The following ALDH1A3 variants were observed in gnomAD, a reference collection of about 807,000 sequenced individuals.
The protein encoded by ALDH1A3 is aldehyde dehydrogenase 1 family member A3.
A neutral mutation model predicts 57.5 loss-of-function variants in ALDH1A3; 28 were observed. The observed-to-expected ratio is 0.49, with a 90% CI of 0.36 to 0.67. ALDH1A3 has a LOEUF of 0.67. Ranked by LOEUF, ALDH1A3 falls within the 30% of genes least tolerant of loss-of-function variation. ALDH1A3 has a pLI of 0.00. For synonymous variants in ALDH1A3, 281 were observed against 264.8 expected, an observed-to-expected ratio of 1.06 and a Z score of -0.59; for missense variants, 507 against 669.4, an observed-to-expected ratio of 0.76 and a Z score of 2.68.
chr15:100,913,976 C>T (rs2041906885), intron 12 of ALDH1A3: 1 of 152,238 alleles, frequency 6.6e-6, no homozygotes, highest in Non-Finnish European at 1.5e-5. Flanking sequence ...CCTCTTGGGT[C>T]TTGGAAGGGA....
Position 100,906,587 on chromosome 15 carries a change from G to C in ALDH1A3, c.1234-534G>C, listed in dbSNP as rs1249349298. ...GCTCCCTTCAAAATCACCTTTAAAT[G>C]TTCAAGCCTTAGTTCTTCCATTTCC... is the stretch of plus-strand genomic sequence containing the variant. On this transcript the variant is annotated intron_variant, in intron 10 of 12. Coordinates refer to ENST00000329841, the MANE Select transcript of ALDH1A3 (RefSeq NM_000693.4). This position sits in a 1 kb window ranked among gnomAD's most constrained non-coding sequence, Gnocchi z 4.8. 1.3e-5 allele frequency among the ~76,000 whole-genome samples: 2 copies of C among 152,232 alleles called. No individual in the cohort carries two copies. Among genetic ancestry groups the C allele is most frequent in the Admixed American group, 6.5e-5 (1 of 15,286 alleles).
rs115435363 is a variant in ALDH1A3, at chr15:100,880,625, G to A, written c.99+619G>A. The A allele has an allele frequency of 5.3e-3, 865 of 163,020 alleles. 8 individuals carry two copies. The highest frequency in any genetic ancestry group is 0.019 in the African/African-American group (803 of 42,024). The allele number at this position is 163,020 out of a possible 1,614,324, so 10.1% of individuals were successfully genotyped here. Reference sequence around the variant, plus strand: ...GACGAAACCTCCCCGGAGCCCAGAGGTCCCGGTGTTTACACACAAGGCGCG... The same window carrying A: ...GACGAAACCTCCCCGGAGCCCAGAGATCCCGGTGTTTACACACAAGGCGCG... On this transcript the variant is annotated intron_variant, in intron 1 of 12. Coordinates refer to ENST00000329841, the MANE Select transcript of ALDH1A3 (RefSeq NM_000693.4).
rs564341254 is a variant in ALDH1A3 at position 100,915,087 on chromosome 15, GA to G, written c.*316del. The stretch of plus-strand genomic sequence containing the variant: ...GCGTTGTTAACAGGGAGTGGTATTT[GA>G]AGTGTCCAGCAGTTGCTTGAAATGC... On this transcript the variant is annotated 3_prime_UTR_variant, in exon 13 of 13. Transcript: ENST00000329841. 58 of 358,626 alleles carry G rather than the reference GA, an allele frequency of 1.6e-4. 2 individuals carry two copies. The Admixed American group carries it at 2.2e-3, about 13-fold the overall frequency. The allele number at this position is 358,626 out of a possible 1,614,324, so 22.2% of individuals were successfully genotyped here.
chr15:100,909,160 AGT>A (rs1812311388), intron 12 of ALDH1A3, among the ~76,000 whole-genome samples: 1 of 88,262 alleles, frequency 1.1e-5, no homozygotes, highest in East Asian at 4.4e-4. Flanking sequence ...CAAACTCCTC[AGT>A]GTGTGAACCC....
intron 6 of ALDH1A3, 51 bp from the exon 7 acceptor site, chr15:100,895,882 G>T: frequency 6.7e-7 from 1 of 1,482,000 alleles, no homozygotes; most frequent in Non-Finnish European, 9.3e-7. Flanking sequence ...ATGTGGATCC[G>T]TGGTGGATGA....
intron 12 of ALDH1A3, chr15:100,914,477 T>A (rs184903780): frequency 2.2e-6 from 1 of 447,480 alleles, no homozygotes; most frequent in African/African-American, 2.0e-5. Context: ...TTCAAAAGCA[T>A]CACACAGAAG....
intron 8 of ALDH1A3, among the ~76,000 whole-genome samples, chr15:100,899,540 C>G (rs1359159578): frequency 6.6e-6 from 1 of 152,216 alleles, no homozygotes; most frequent in Non-Finnish European, 1.5e-5. Flanking sequence ...CTGACATAAC[C>G]AGCATCCCAG....
At chr15:100,910,014 C>T (rs1161976414) in intron 12 of ALDH1A3, among the ~76,000 whole-genome samples, 1 of 152,200 alleles carries the variant, frequency 6.6e-6, no homozygotes, top group African/African-American at 2.4e-5. Context: ...TTGGTTGGGG[C>T]CTTTGTGTGG....
chr15:100,885,813 C>T (rs907782291), intron 2 of ALDH1A3, among the ~76,000 whole-genome samples: 1 of 152,080 alleles, frequency 6.6e-6, no homozygotes, highest in Non-Finnish European at 1.5e-5. Context: ...AGTTGCTACC[C>T]GGGTGATGCG....
At position 100,914,738 on chromosome 15, in the gene ALDH1A3, A is replaced by G. The variant is rs1424217463; in HGVS notation, c.1504A>G (p.Thr502Ala). 1 of 1,614,110 alleles carries G rather than the reference A, an allele frequency of 6.2e-7. No individual in the cohort carries two copies. Among genetic ancestry groups the G allele is most frequent in the East Asian group, 2.2e-5 (1 of 44,884 alleles). The change falls in exon 13 of 13, where the codon ACT becomes GCT. Residue 502 changes from threonine to alanine, a missense_variant. Thr to Ala is a moderately conservative substitution (Grantham distance 58). Around this residue, in one of 2 missense-constraint regions of ALDH1A3, gnomAD observed 432 missense variants for 608.4 expected, o/e 0.71. Coordinates refer to ENST00000329841, the MANE Select transcript of ALDH1A3 (RefSeq NM_000693.4). ...YALAEYTEVK[T>A]VTIKLGDKNP ...TTTGGCCGAATACACAGAAGTGAAAACTGTCACCATCAAACTTGGCGACAA... is the reference window on the plus strand; with the variant it reads ...TTTGGCCGAATACACAGAAGTGAAAGCTGTCACCATCAAACTTGGCGACAA...
At chr15:100,882,113 T>G (rs986581411) in intron 1 of ALDH1A3, among the ~76,000 whole-genome samples, 1 of 152,150 alleles carries the variant, frequency 6.6e-6, no homozygotes, top group Non-Finnish European at 1.5e-5. Flanking sequence ...CCAGCAGTGG[T>G]CTGCTATTTT....
Position 100,906,782 on chromosome 15 carries a change from A to G in ALDH1A3, c.1234-339A>G, listed in dbSNP as rs938072160. ...TATCCTTCAGGACAACTCCGAAAAA[A>G]GTTACCTAAAGGTTTTGTGTTCTGT... On this transcript the variant is annotated intron_variant, in intron 10 of 12. Coordinates refer to ENST00000329841, the MANE Select transcript of ALDH1A3 (RefSeq NM_000693.4). This position sits in a 1 kb window ranked among gnomAD's most constrained non-coding sequence, Gnocchi z 4.8. Among the ~76,000 whole-genome samples, 1 of 152,218 alleles carries G rather than the reference A, an allele frequency of 6.6e-6. No homozygotes were observed. The highest frequency in any genetic ancestry group is 6.5e-5 in the Admixed American group (1 of 15,284).
intron 3 of ALDH1A3, 73 bp from the exon 4 acceptor site, chr15:100,892,437 C>T (rs1021397683): frequency 6.3e-7 from 1 of 1,599,206 alleles, no homozygotes. Context: ...TCCCCAACTT[C>T]CATCTTTAAC....
At position 100,885,292 on chromosome 15, in the gene ALDH1A3, A is replaced by C. The variant is rs182607536; in HGVS notation, c.125A>C (p.Glu42Ala). ...TKIFINNEWH[E>A]SKSGKKFATC... ...ATATTTATCAACAATGAATGGCACGAATCCAAGAGTGGGAAAAAGTTTGCT... is the reference window on the plus strand; with the variant it reads ...ATATTTATCAACAATGAATGGCACGCATCCAAGAGTGGGAAAAAGTTTGCT... The change falls in exon 2 of 13, where the codon GAA (glutamate) becomes GCA (alanine). Residue 42 changes from glutamate (E) to alanine (A), a missense_variant. By Grantham distance (107) the Glu-to-Ala change is moderately radical (BLOSUM62 -1). Transcript: ENST00000329841. 17 of 1,613,772 alleles carry C rather than the reference A, an allele frequency of 1.1e-5. No individual in the cohort carries two copies. The East Asian group carries it at 3.8e-4, about 36-fold the overall frequency.
chr15:100,883,236 C>G lies in ALDH1A3; in HGVS notation c.100-2031C>G, dbSNP rs920922835. 5.9e-5 allele frequency among the ~76,000 whole-genome samples: 9 copies of G among 152,280 alleles called. No individual in the cohort carries two copies. The East Asian group carries it at 1.7e-3, about 29-fold the overall frequency. ...CTGACAGTCTCTATTATCTAACCCA[C>G]GAAATTTCATCTTTCTACAAATGGG... On this transcript the variant is annotated intron_variant, in intron 1 of 12. Transcript: ENST00000329841.
chr15:100,908,584 C>A (rs914763527), intron 12 of ALDH1A3, 102 bp downstream of exon 12: 10 of 1,037,198 alleles, frequency 9.6e-6, no homozygotes, highest in East Asian at 4.9e-5. Context: ...CCCCGTCCCC[C>A]CCACACCGCC....
At chr15:100,883,543 C>A (rs948526655) in intron 1 of ALDH1A3, among the ~76,000 whole-genome samples, 1 of 152,134 alleles carries the variant, frequency 6.6e-6, no homozygotes, top group African/African-American at 2.4e-5. Context: ...AACTGGGGGG[C>A]AGCTGGTCTC....
At chr15:100,883,027 G>A (rs2041560936) in intron 1 of ALDH1A3, among the ~76,000 whole-genome samples, 1 of 152,172 alleles carries the variant, frequency 6.6e-6, no homozygotes, top group African/African-American at 2.4e-5. Flanking sequence ...ACAGATCAAT[G>A]TCATGAACAA....
chr15:100,883,261 G>C (rs4646651), intron 1 of ALDH1A3, among the ~76,000 whole-genome samples: 36,496 of 151,968 alleles, frequency 0.24, 4,923 homozygotes, highest in East Asian at 0.55. Flanking sequence ...CTACAAATGG[G>C]CCCCTCTTCC....
Sources: gnomAD v4.1 joint callset for allele counts (sites outside exome capture counted in the v4.1 genomes callset) on GRCh38, gnomAD v4.1.1 for gene constraint, gnomAD v4.1.1 regional missense constraint, Gnocchi (gnomAD v3.1) non-coding constraint, MANE v1.5 for transcripts, NCBI Gene and HGNC (gene_info 2026-07-23, HGNC 2026-07-21) for gene names.